ARHGAP29: variants seen among roughly 807,000 people sequenced by gnomAD.
ARHGAP29 encodes the protein Rho GTPase activating protein 29.
Under a neutral mutation model 122.6 loss-of-function variants are expected in ARHGAP29, and 43 were observed. The observed-to-expected ratio is 0.35, with a 90% CI of 0.27 to 0.45. The LOEUF (loss-of-function observed/expected upper bound fraction) is 0.45, where lower values mean the gene tolerates loss of function less well. Among genes scored for constraint, ARHGAP29 ranks in the 20% least tolerant of loss-of-function variants. The pLI is 1.00. For missense variants in ARHGAP29, 1,303 were observed against 1,477.2 expected, an observed-to-expected ratio of 0.88 and a Z score of 1.93; for synonymous variants, 506 against 497.1, an observed-to-expected ratio of 1.02 and a Z score of -0.24.
intron 3 of ARHGAP29, among the ~76,000 whole-genome samples, chr1:94,210,756 G>A (rs981753656): frequency 1.3e-5 from 2 of 152,076 alleles, no homozygotes; most frequent in African/African-American, 4.8e-5. Flanking sequence ...ATAAGAAATA[G>A]GCTGGGTGTG....
the ARHGAP29 span, among the ~76,000 whole-genome samples, chr1:94,280,706 G>A: frequency 4.6e-5 from 7 of 152,200 alleles, no homozygotes; most frequent in Non-Finnish European, 7.3e-5. Context: ...TGTAGCAAAG[G>A]GCAGGAACGG....
intron 1 of ARHGAP29, among the ~76,000 whole-genome samples, chr1:94,253,636 ACACGCACGCACGCACGCACG>A (rs66700832): frequency 2.0e-5 from 3 of 149,230 alleles, no homozygotes; most frequent in Non-Finnish European, 4.5e-5. Context: ...TCTGGAACAC[ACACGCACGCACGCACGCACG>A]CACGCACGCA....
At chr1:94,197,876 G>A (rs924618129) in intron 12 of ARHGAP29, among the ~76,000 whole-genome samples, 12 of 152,170 alleles carry the variant, frequency 7.9e-5, no homozygotes, top group African/African-American at 2.9e-4. Context: ...AGAACCTACA[G>A]CTATCACCAT....
chr1:94,188,594 G>A lies in ARHGAP29; in HGVS notation c.1681+243C>T, dbSNP rs80199546. 3.6e-3 allele frequency among the ~76,000 whole-genome samples: 554 copies of A among 152,222 alleles called. 1 individual carries two copies. The highest frequency in any genetic ancestry group is 0.013 in the African/African-American group (528 of 41,540). On this transcript the variant is annotated intron_variant, in intron 15 of 22. Transcript: ENST00000260526. Reference sequence around the variant, plus strand: ...CATTTCAGGATAATGGTTTATTCTGGTGGGAGATAGGGCAATGTTACCAAG... The same window carrying A: ...CATTTCAGGATAATGGTTTATTCTGATGGGAGATAGGGCAATGTTACCAAG...
At chr1:94,199,157 G>A (rs964041657) in intron 12 of ARHGAP29, among the ~76,000 whole-genome samples, 1 of 152,020 alleles carries the variant, frequency 6.6e-6, no homozygotes, top group African/African-American at 2.4e-5. Flanking sequence ...GAGTTGATGG[G>A]TGCAGCAAAC....
intron 3 of ARHGAP29, among the ~76,000 whole-genome samples, chr1:94,219,724 G>A (rs574101913): frequency 6.6e-5 from 10 of 152,270 alleles, no homozygotes; most frequent in African/African-American, 2.4e-4. Context: ...TTCATCAGAG[G>A]ATAATGGTCC....
At position 94,177,650 on chromosome 1, in the gene ARHGAP29, T is replaced by C. The variant is rs1649179794; in HGVS notation, c.2867A>G (p.Lys956Arg). 6.2e-7 allele frequency: 1 copy of C among 1,613,694 alleles called. No homozygotes were observed. The highest frequency in any genetic ancestry group is 1.7e-5 in the Admixed American group (1 of 59,974). ...RATSFEESERKQNALGKCDAC... is the reference protein window; with the variant it reads ...RATSFEESERRQNALGKCDAC... ...ATCACATTTTCCTAACGCATTTTGCTTGCGTTCTGATTCCTCAAATGATGT... is the reference window on the plus strand; with the variant it reads ...ATCACATTTTCCTAACGCATTTTGCCTGCGTTCTGATTCCTCAAATGATGT... Residue 956 changes from lysine to arginine, a missense_variant, in exon 22 of 23, where the codon AAG becomes AGG. Physicochemically the swap from Lys to Arg is conservative, Grantham distance 26. Transcript: ENST00000260526.
chr1:94,220,315 T>A lies in ARHGAP29; in HGVS notation c.283A>T (p.Asn95Tyr). The A allele has an allele frequency of 6.2e-7, 1 of 1,613,706 alleles. No homozygotes were observed. Among genetic ancestry groups the A allele is most frequent in the South Asian group, 1.1e-5 (1 of 91,064 alleles). Residue 95 changes from asparagine to tyrosine, a missense_variant, in exon 3 of 23, where the codon AAC becomes TAC. Physicochemically the swap from Asn to Tyr is moderately radical, Grantham distance 143. Around this residue, in one of 3 missense-constraint regions of ARHGAP29, gnomAD observed 592 missense variants for 648.2 expected, o/e 0.91. Coordinates refer to ENST00000260526, the MANE Select transcript of ARHGAP29 (RefSeq NM_004815.4). ...TTTTGAAGATCAACAGAATTGAGGT[T>A]CTGATGTTTATTCATTATAGACTTT... ...VLKSIMNKHQNLNSVDLQNAA... is the reference protein window; with the variant it reads ...VLKSIMNKHQYLNSVDLQNAA...
At chr1:94,302,616 G>A in the ARHGAP29 span, 2 of 416,698 alleles carry the variant, frequency 4.8e-6, no homozygotes. Flanking sequence ...GATGGCCATG[G>A]GGCTCTCCAT....
chr1:94,187,294 T>C (rs1168129720), intron 15 of ARHGAP29, among the ~76,000 whole-genome samples: 1 of 152,208 alleles, frequency 6.6e-6, no homozygotes, highest in African/African-American at 2.4e-5. Flanking sequence ...CCTTAAACGT[T>C]TCAAATTCAG....
rs1221385807 is a variant in ARHGAP29 at position 94,170,771 on chromosome 1, C to T, written c.*3098G>A. 6.6e-6 allele frequency among the ~76,000 whole-genome samples: 1 copy of T among 152,158 alleles called. No homozygotes were observed. Among genetic ancestry groups the T allele is most frequent in the African/African-American group, 2.4e-5 (1 of 41,438 alleles). ...ATGGAGTACTACATTTATTTAAGATCTCCTTAAATGCTTCCTGACATGGTC... is the reference window on the plus strand; with the variant it reads ...ATGGAGTACTACATTTATTTAAGATTTCCTTAAATGCTTCCTGACATGGTC... On this transcript the variant is annotated 3_prime_UTR_variant, in exon 23 of 23. Transcript: ENST00000260526.
chr1:94,250,411 A>G (rs1042824324), intron 1 of ARHGAP29: 1 of 152,212 alleles, frequency 6.6e-6, no homozygotes, highest in African/African-American at 2.4e-5. Flanking sequence ...AATGCCTGGG[A>G]GAGGGGAAGA....
the ARHGAP29 span, among the ~76,000 whole-genome samples, chr1:94,283,147 A>T: frequency 2.0e-5 from 3 of 152,144 alleles, no homozygotes; most frequent in African/African-American, 4.8e-5. Context: ...AAGATTTTTT[A>T]TTGAGTATAT....
At chr1:94,239,233 G>C (rs1653479856), upstream of ARHGAP29, among the ~76,000 whole-genome samples, 1 of 152,182 alleles carries the variant, frequency 6.6e-6, no homozygotes, top group Non-Finnish European at 1.5e-5. Context: ...AGGCTGAACA[G>C]TGCAACTACG....
At chr1:94,245,990 A>G (rs1325855012) in intron 1 of ARHGAP29, among the ~76,000 whole-genome samples, 1 of 152,204 alleles carries the variant, frequency 6.6e-6, no homozygotes, top group South Asian at 2.1e-4. Flanking sequence ...AGGTAAGGGG[A>G]GCAGTAATGA....
At chr1:94,286,275 C>A in the ARHGAP29 span, among the ~76,000 whole-genome samples, 1 of 152,098 alleles carries the variant, frequency 6.6e-6, no homozygotes, top group Non-Finnish European at 1.5e-5. Context: ...ATAATTATGG[C>A]CTAAAAATAC....
chr1:94,185,177 T>C (rs1557843829), intron 17 of ARHGAP29, 117 bp from the exon 18 acceptor site: 1 of 1,213,592 alleles, frequency 8.2e-7, no homozygotes, highest in South Asian at 1.7e-5. Flanking sequence ...TTGCGCTATT[T>C]GAAACAGATT....
rs143877998 is a variant in ARHGAP29 at position 94,177,970 on chromosome 1, T to G, written c.2678A>C (p.Gln893Pro). ...QKIFDGSLQP[Q>P]DVMCSIGVVD... ...AACACCTATGCTACACATAACATCT[T>G]GTGGTTGTAGGGACCCATCGAAGAT... is the stretch of plus-strand genomic sequence containing the variant. The change falls in exon 21 of 23, where the codon CAA becomes CCA. Residue 893 changes from glutamine to proline, a missense_variant. Gln to Pro is a moderately conservative substitution (Grantham distance 76). This residue lies in a region of ARHGAP29 where 620 missense variants were observed against 651.2 expected (regional missense o/e 0.95). Transcript: ENST00000260526. The G allele has an allele frequency of 4.8e-5, 77 of 1,614,018 alleles. No homozygotes were observed. The highest frequency in any genetic ancestry group is 1.9e-5 in the Non-Finnish European group (22 of 1,180,028).
intron 19 of ARHGAP29, among the ~76,000 whole-genome samples, chr1:94,183,005 A>G (rs145392125): frequency 4.3e-4 from 66 of 152,290 alleles, no homozygotes; most frequent in Non-Finnish European, 6.2e-4. Flanking sequence ...CCACTGTAAG[A>G]TGACTGTAGT....
Sources: allele counts gnomAD v4.1 joint callset (sites outside exome capture counted in the v4.1 genomes callset), GRCh38; gene constraint gnomAD v4.1.1; regional missense constraint gnomAD v4.1.1; transcripts MANE v1.5; gene names NCBI Gene and HGNC (gene_info 2026-07-23, HGNC 2026-07-21).